The following AGAP1 variants were observed in gnomAD, a reference collection of about 807,000 sequenced individuals.
AGAP1 encodes arf-GAP with GTPase, ANK repeat and PH domain-containing protein 1.
A neutral mutation model predicts 105.3 loss-of-function variants in AGAP1; 29 were observed. That is an observed-to-expected ratio of 0.28 (90% CI 0.21 to 0.38). AGAP1 has a LOEUF of 0.38. Among genes scored for constraint, AGAP1 ranks in the 10% least tolerant of loss-of-function variants. The probability of loss-of-function intolerance (pLI) is 1.00; values close to 1 mark genes in which losing one functional copy is unlikely to be tolerated. For synonymous variants in AGAP1, 509 were observed against 485.9 expected (o/e 1.05, Z -0.63); for missense variants, 998 against 1,165.1 (o/e 0.86, Z 2.09).
At chr2:235,667,500 T>A (rs1028561871) in intron 1 of AGAP1, among the ~76,000 whole-genome samples, 3 of 152,102 alleles carry the variant, frequency 2.0e-5, no homozygotes, top group Middle Eastern at 3.4e-3. Context: ...AACCCCAGAT[T>A]TCACCCTTAC....
At position 235,733,767 on chromosome 2, in the gene AGAP1, C is replaced by T. The variant is rs571910926; in HGVS notation, c.311-7196C>T. Among the ~76,000 whole-genome samples, 10 of 152,114 alleles carry T rather than the reference C, an allele frequency of 6.6e-5. No homozygotes were observed. Among genetic ancestry groups the T allele is most frequent in the South Asian group, 6.2e-4 (3 of 4,810 alleles). On this transcript the variant is annotated intron_variant, in intron 3 of 17. Transcript: ENST00000304032. This position sits in a 1 kb window ranked among gnomAD's most constrained non-coding sequence, Gnocchi z 5.0. ...TTCACCCATGGAAATAGTCAGCAGTCGCCACATGCAGGGTCCTCACTCACT... is the reference window on the plus strand; with the variant it reads ...TTCACCCATGGAAATAGTCAGCAGTTGCCACATGCAGGGTCCTCACTCACT...
rs376185996 is a variant in AGAP1 at position 235,873,293 on chromosome 2, G to C, written c.1051-10052G>C. 3.9e-5 allele frequency among the ~76,000 whole-genome samples: 6 copies of C among 152,194 alleles called. No homozygotes were observed. The East Asian group carries it at 5.8e-4, about 15-fold the overall frequency. ...AAAAGCATGTTTTTAATCCACAAAA[G>C]CTATTTCCCGAGTCTGCTCATTTGT... On this transcript the variant is annotated intron_variant, in intron 9 of 17. Coordinates refer to ENST00000304032, the MANE Select transcript of AGAP1 (RefSeq NM_001037131.3).
rs1388949205 is a variant in AGAP1, at chr2:235,740,069, A to G, written c.311-894A>G. Reference sequence around the variant, plus strand: ...TTTCGAATCCCCATGAGGGTTCCCTAGCGTGGTCTCAGAGCCCAGGATCTG... The same window carrying G: ...TTTCGAATCCCCATGAGGGTTCCCTGGCGTGGTCTCAGAGCCCAGGATCTG... On this transcript the variant is annotated intron_variant, in intron 3 of 17. Transcript: ENST00000304032. This position sits in a 1 kb window ranked among gnomAD's most constrained non-coding sequence, Gnocchi z 5.7. Among the ~76,000 whole-genome samples, 2 of 152,152 alleles carry G rather than the reference A, an allele frequency of 1.3e-5. No individual in the cohort carries two copies. The highest frequency in any genetic ancestry group is 1.3e-4 in the Admixed American group (2 of 15,274).
At chr2:235,583,274 C>T (rs774802871) in intron 1 of AGAP1, among the ~76,000 whole-genome samples, 1 of 152,030 alleles carries the variant, frequency 6.6e-6, no homozygotes, top group East Asian at 1.9e-4. Flanking sequence ...TGTCTTACTG[C>T]GGCCTTGAAC....
intron 9 of AGAP1, among the ~76,000 whole-genome samples, chr2:235,859,393 T>TCCC (rs59735813): frequency 8.3e-5 from 2 of 24,240 alleles, no homozygotes; most frequent in Non-Finnish European, 1.3e-4. Context: ...CCCCACAACC[T>TCCC]CCCCCCCCCC....
Position 235,655,230 on chromosome 2 carries a change from G to C in AGAP1, c.164-53949G>C, listed in dbSNP as rs563682721. On this transcript the variant is annotated intron_variant, in intron 1 of 17. Transcript: ENST00000304032. The surrounding 1 kb of genome is among the most constrained non-coding windows in gnomAD (Gnocchi z 4.3). Reference sequence around the variant, plus strand: ...ACAGAAGCTGGAAGGTAGACAGGTCGTTGTCTCCATTTTTGTTCTTTAAAG... The same window carrying C: ...ACAGAAGCTGGAAGGTAGACAGGTCCTTGTCTCCATTTTTGTTCTTTAAAG... Among the ~76,000 whole-genome samples, 1 of 152,110 alleles carries C rather than the reference G, an allele frequency of 6.6e-6. No individual in the cohort carries two copies. Among genetic ancestry groups the C allele is most frequent in the African/African-American group, 2.4e-5 (1 of 41,400 alleles).
At chr2:235,534,181 G>T (rs553839842) in intron 1 of AGAP1, among the ~76,000 whole-genome samples, 6 of 152,322 alleles carry the variant, frequency 3.9e-5, no homozygotes, top group African/African-American at 1.2e-4. Context: ...GCCGACCCCG[G>T]TGGCTCAGGC....
chr2:235,966,917 T>G (rs1465116613), intron 12 of AGAP1, among the ~76,000 whole-genome samples: 1 of 152,210 alleles, frequency 6.6e-6, no homozygotes, highest in Non-Finnish European at 1.5e-5. Context: ...AATTGTGTGT[T>G]TGTACATTTC....
intron 16 of AGAP1, among the ~76,000 whole-genome samples, chr2:236,094,319 T>C (rs1432795650): frequency 1.3e-5 from 2 of 149,488 alleles, no homozygotes; most frequent in Non-Finnish European, 3.0e-5. Context: ...GCAAATACGA[T>C]GGGTCACCAT....
At chr2:235,671,441 C>T (rs531275449) in intron 1 of AGAP1, among the ~76,000 whole-genome samples, 1 of 152,276 alleles carries the variant, frequency 6.6e-6, no homozygotes, top group East Asian at 1.9e-4. Flanking sequence ...CGGTCGCCGC[C>T]GCACAGGTGC....
intron 6 of AGAP1, among the ~76,000 whole-genome samples, chr2:235,786,921 G>A (rs925429579): frequency 3.3e-5 from 5 of 152,194 alleles, no homozygotes; most frequent in East Asian, 1.9e-4. Context: ...TCTCTTCCCC[G>A]CTTGTTCTGG....
At chr2:235,954,452 CTG>C (rs1276908760) in intron 12 of AGAP1, among the ~76,000 whole-genome samples, 1 of 151,462 alleles carries the variant, frequency 6.6e-6, no homozygotes, top group Non-Finnish European at 1.5e-5. Flanking sequence ...GCAGGTCTAA[CTG>C]TATTTCCCAA....
At chr2:235,938,239 C>G (rs928173831) in intron 12 of AGAP1, among the ~76,000 whole-genome samples, 15 of 152,212 alleles carry the variant, frequency 9.9e-5, no homozygotes, top group African/African-American at 3.6e-4. Context: ...AGTGCCAGAG[C>G]CTTACCCGCT....
At chr2:235,682,083 C>G (rs1237663964) in intron 1 of AGAP1, among the ~76,000 whole-genome samples, 1 of 151,924 alleles carries the variant, frequency 6.6e-6, no homozygotes, top group Non-Finnish European at 1.5e-5. Flanking sequence ...GAACTCCTGA[C>G]CTTGTGATCC....
rs890222583 is a variant in AGAP1 at position 236,080,805 on chromosome 2, T to C, written c.2114+31524T>C. Among the ~76,000 whole-genome samples, 1 of 152,158 alleles carries C rather than the reference T, an allele frequency of 6.6e-6. No individual in the cohort carries two copies. The highest frequency in any genetic ancestry group is 1.5e-5 in the Non-Finnish European group (1 of 68,014). On this transcript the variant is annotated intron_variant, in intron 16 of 17. Coordinates refer to ENST00000304032, the MANE Select transcript of AGAP1 (RefSeq NM_001037131.3). This position sits in a 1 kb window ranked among gnomAD's most constrained non-coding sequence, Gnocchi z 4.2. ...GAAGCTGCTACTCATCTTGGTGGCC[T>C]TGCATCCCCTCTGACCTGTTTCTGT... is the stretch of plus-strand genomic sequence containing the variant.
intron 1 of AGAP1, among the ~76,000 whole-genome samples, chr2:235,568,650 T>C (rs1205206631): frequency 6.6e-6 from 1 of 152,238 alleles, no homozygotes; most frequent in East Asian, 1.9e-4. Context: ...TTGCTGCTGC[T>C]GTAACAGATT....
chr2:235,514,343 C>T (rs1469741162), intron 1 of AGAP1, among the ~76,000 whole-genome samples: 1 of 152,274 alleles, frequency 6.6e-6, no homozygotes, highest in Non-Finnish European at 1.5e-5. Flanking sequence ...TCCTTGGCCT[C>T]ACCCTTAAGC....
chr2:235,534,177 C>T (rs968692255), intron 1 of AGAP1, among the ~76,000 whole-genome samples: 34 of 152,156 alleles, frequency 2.2e-4, no homozygotes, highest in African/African-American at 8.0e-4. Flanking sequence ...TCCTGCCGAC[C>T]CCGGTGGCTC....
chr2:235,860,863 G>A (rs187596633), intron 9 of AGAP1, among the ~76,000 whole-genome samples: 9 of 152,198 alleles, frequency 5.9e-5, no homozygotes, highest in African/African-American at 2.2e-4. Context: ...TTGCCAAAAC[G>A]GAGATGTGCA....
Sources: allele counts gnomAD v4.1 joint callset (sites outside exome capture counted in the v4.1 genomes callset), GRCh38; gene constraint gnomAD v4.1.1; non-coding constraint Gnocchi (gnomAD v3.1); transcripts MANE v1.5; gene names NCBI Gene and HGNC (gene_info 2026-07-23, HGNC 2026-07-21).